The following CCDC171 variants were observed in gnomAD, a reference collection of about 807,000 sequenced individuals.
CCDC171 encodes the protein coiled-coil domain containing 171.
CCDC171 carries 177 observed loss-of-function variants against 168.2 expected under a neutral mutation model. The ratio of observed to expected loss-of-function variants is 1.05; its 90% CI spans 0.93 to 1.19. CCDC171 has a LOEUF of 1.19. CCDC171 is among the 50% of genes most tolerant of loss of function. CCDC171 has a pLI of 0.00. For synonymous variants in CCDC171, 687 were observed against 540.8 expected (o/e 1.27, Z -3.75); for missense variants, 1,991 against 1,539.0 (o/e 1.29, Z -4.91).
At chr9:15,857,961 G>A (rs2061410239) in intron 23 of CCDC171, among the ~76,000 whole-genome samples, 1 of 151,808 alleles carries the variant, frequency 6.6e-6, no homozygotes, top group African/African-American at 2.4e-5. Flanking sequence ...ATATGCATAT[G>A]TGTGTATATA....
intron 11 of CCDC171, among the ~76,000 whole-genome samples, chr9:15,697,652 G>A (rs1313804568): frequency 6.6e-6 from 1 of 152,212 alleles, no homozygotes; most frequent in Non-Finnish European, 1.5e-5. Context: ...CCATTAAGTT[G>A]TGAGAGCATT....
At chr9:15,951,561 C>T (rs541238808) in intron 25 of CCDC171, among the ~76,000 whole-genome samples, 2 of 151,724 alleles carry the variant, frequency 1.3e-5, no homozygotes, top group Non-Finnish European at 2.9e-5. Flanking sequence ...TTTAAGTAGC[C>T]GTTCTAATGG....
At chr9:15,947,723 C>G (rs1407604751) in intron 25 of CCDC171, among the ~76,000 whole-genome samples, 2 of 151,844 alleles carry the variant, frequency 1.3e-5, no homozygotes, top group African/African-American at 2.4e-5. Flanking sequence ...GGGTTATACC[C>G]AGAAGTGAAA....
chr9:16,075,732 A>G, the CCDC171 span, among the ~76,000 whole-genome samples: 1 of 152,204 alleles, frequency 6.6e-6, no homozygotes, highest in Non-Finnish European at 1.5e-5. Context: ...TGCTCTGAAA[A>G]AAACAACTTA....
At chr9:15,587,103 A>T (rs1363599340) in intron 4 of CCDC171, among the ~76,000 whole-genome samples, 1 of 152,154 alleles carries the variant, frequency 6.6e-6, no homozygotes, top group Non-Finnish European at 1.5e-5. Context: ...GTGAGCCACC[A>T]TGCTCAGCCC....
At chr9:15,607,186 C>A (rs2043290585) in intron 6 of CCDC171, among the ~76,000 whole-genome samples, 1 of 152,088 alleles carries the variant, frequency 6.6e-6, no homozygotes, top group African/African-American at 2.4e-5. Flanking sequence ...CCAGCAATAC[C>A]ATTAATGTAA....
At chr9:16,045,829 A>G (rs4741561) in intron 1 of CCDC171, among the ~76,000 whole-genome samples, 56,991 of 152,072 alleles carry the variant, frequency 0.37, 13,391 homozygotes, top group East Asian at 0.74. Flanking sequence ...TAACCTGGTG[A>G]TCTCTCATCC....
At chr9:15,692,605 G>T (rs1242487638) in intron 10 of CCDC171, among the ~76,000 whole-genome samples, 7 of 149,896 alleles carry the variant, frequency 4.7e-5, no homozygotes, top group Non-Finnish European at 7.4e-5. Context: ...TCGGCTCACT[G>T]CAAGCTCCGC....
intron 11 of CCDC171, among the ~76,000 whole-genome samples, chr9:15,699,927 T>G (rs2051567562): frequency 6.6e-6 from 1 of 152,204 alleles, no homozygotes; most frequent in African/African-American, 2.4e-5. Context: ...TTCCCTGAGC[T>G]AGACATAAAG....
intron 11 of CCDC171, among the ~76,000 whole-genome samples, chr9:15,720,792 A>G (rs10962125): frequency 1.3e-5 from 2 of 151,884 alleles, no homozygotes; most frequent in East Asian, 3.9e-4. Flanking sequence ...TGCACCCATT[A>G]ACTCGTCATT....
In CCDC171 at chr9:15,575,160, T is replaced by G. The variant is rs1165533630; in HGVS notation, c.177+3401T>G. On this transcript the variant is annotated intron_variant, in intron 3 of 25. Coordinates refer to ENST00000380701, the MANE Select transcript of CCDC171 (RefSeq NM_173550.4). ...GTAAAGGAGAGTGACATAACTACTT[T>G]TTTTTTTTTTTTTTTTTTTTTTTGA... Among the ~76,000 whole-genome samples the G allele has an allele frequency of 6.0e-4, 72 of 119,172 alleles. 1 individual carries two copies. Among genetic ancestry groups the G allele is most frequent in the African/African-American group, 2.0e-3 (50 of 25,242 alleles). 78.2% of individuals were successfully genotyped at this position (119,172 alleles called of 152,430 possible).
chr9:15,817,014 G>T lies in CCDC171; in HGVS notation c.3268-29688G>T, dbSNP rs529012920. On this transcript the variant is annotated intron_variant, in intron 21 of 25. Transcript: ENST00000380701. ...GATAAAAGAAGTTTTATAGTTATGT[G>T]TGTGTGTGTATTTCCTTAAGGCTGT... Among the ~76,000 whole-genome samples the T allele has an allele frequency of 1.7e-5, 2 of 118,086 alleles. 1 individual carries two copies. Among genetic ancestry groups the T allele is most frequent in the Non-Finnish European group, 3.8e-5 (2 of 52,452 alleles). The allele number at this position is 118,086 out of a possible 152,430, so 77.5% of individuals were successfully genotyped here.
chr9:15,665,533 T>A (rs1054220576), intron 8 of CCDC171, among the ~76,000 whole-genome samples: 1 of 152,172 alleles, frequency 6.6e-6, no homozygotes, highest in African/African-American at 2.4e-5. Flanking sequence ...GTAATCTCAG[T>A]GCTTTGGGAG....
intron 21 of CCDC171, among the ~76,000 whole-genome samples, chr9:15,839,765 T>C (rs2060596188): frequency 6.6e-6 from 1 of 152,124 alleles, no homozygotes. Context: ...ACACTCCCCA[T>C]AGTGAAAGTT....
chr9:16,102,494 G>A, the CCDC171 span, among the ~76,000 whole-genome samples: 1 of 149,692 alleles, frequency 6.7e-6, no homozygotes, highest in Admixed American at 6.6e-5. Context: ...GTGTTGGGGG[G>A]GGGCGGGGGT....
chr9:15,894,317 T>C (rs1820609326), intron 24 of CCDC171, among the ~76,000 whole-genome samples: 1 of 152,062 alleles, frequency 6.6e-6, no homozygotes, highest in Non-Finnish European at 1.5e-5. Context: ...GGATAGCTAA[T>C]GGATGCTGGG....
chr9:15,581,628 A>C (rs1563981113), intron 4 of CCDC171, among the ~76,000 whole-genome samples: 1 of 152,136 alleles, frequency 6.6e-6, no homozygotes, highest in Admixed American at 6.5e-5. Context: ...ATAACACCAG[A>C]CATCTACAAC....
At chr9:15,934,573 G>T (rs1826897531) in intron 25 of CCDC171, among the ~76,000 whole-genome samples, 2 of 151,920 alleles carry the variant, frequency 1.3e-5, no homozygotes, top group Admixed American at 6.6e-5. Flanking sequence ...AATGTAAAGT[G>T]GTAAACCACT....
intron 7 of CCDC171, among the ~76,000 whole-genome samples, chr9:15,643,617 CT>C (rs1464082111): frequency 6.6e-6 from 1 of 152,156 alleles, no homozygotes; most frequent in Non-Finnish European, 1.5e-5. Flanking sequence ...CAATTCAATG[CT>C]TTTAATATAT....
Sources: gnomAD v4.1 joint callset for allele counts (sites outside exome capture counted in the v4.1 genomes callset) on GRCh38, gnomAD v4.1.1 for gene constraint, MANE v1.5 for transcripts, NCBI Gene and HGNC (gene_info 2026-07-23, HGNC 2026-07-21) for gene names.